Variants in GSAP observed in about 807,000 individuals in gnomAD.
The protein encoded by GSAP is gamma-secretase activating protein.
GSAP carries 118 observed loss-of-function variants against 131.7 expected under a neutral mutation model. The observed-to-expected ratio is 0.90, with a 90% CI of 0.77 to 1.04. The LOEUF is 1.04. Among genes scored for constraint, GSAP ranks in the 50% least tolerant of loss-of-function variants. GSAP has a pLI of 0.00. For synonymous variants in GSAP, 381 were observed against 363.4 expected (o/e 1.05, Z -0.55); for missense variants, 1,019 against 1,013.2 (o/e 1.01, Z -0.08).
chr7:77,377,195 C>T, intron 9 of GSAP, 91 bp downstream of exon 9: 2 of 1,213,120 alleles, frequency 1.6e-6, no homozygotes, highest in Non-Finnish European at 2.1e-6. Flanking sequence ...CCAGCCTCAG[C>T]AAGAGAGCAA....
Position 77,369,811 on chromosome 7 carries a change from G to T in GSAP, c.871+4259C>A, listed in dbSNP as rs148257638. Among the ~76,000 whole-genome samples the T allele has an allele frequency of 9.6e-4, 146 of 152,138 alleles. 1 individual carries two copies. In the South Asian group the frequency reaches 0.011, roughly 11 times the overall value. ...AAAACACTTTTGAAGAGTAATATAG[G>T]AAACACATGAACAATTTCTTAGTCA... On this transcript the variant is annotated intron_variant, in intron 12 of 30. Coordinates refer to ENST00000257626, the MANE Select transcript of GSAP (RefSeq NM_017439.4).
intron 19 of GSAP, among the ~76,000 whole-genome samples, chr7:77,344,781 C>T (rs1055764325): frequency 2.6e-5 from 4 of 152,148 alleles, no homozygotes; most frequent in Non-Finnish European, 5.9e-5. Context: ...TGTTCCCATT[C>T]TTATGCCACC....
chr7:77,345,292 A>G (rs1305440094), intron 19 of GSAP, among the ~76,000 whole-genome samples: 4 of 152,282 alleles, frequency 2.6e-5, no homozygotes, highest in South Asian at 4.1e-4. Context: ...AGCTTAATCT[A>G]TACCACTCTA....
chr7:77,339,631 G>C (rs1371839116), intron 19 of GSAP, among the ~76,000 whole-genome samples: 1 of 152,050 alleles, frequency 6.6e-6, no homozygotes, highest in Non-Finnish European at 1.5e-5. Context: ...AAAAGCTATG[G>C]GTAGAGGAGA....
chr7:77,385,129 G>T (rs1390656553), intron 6 of GSAP, among the ~76,000 whole-genome samples: 2 of 151,734 alleles, frequency 1.3e-5, no homozygotes, highest in Non-Finnish European at 2.9e-5. Flanking sequence ...TGCCTCCCAG[G>T]TTCAAGCAAT....
chr7:77,363,340 C>T (rs536855645), intron 12 of GSAP, among the ~76,000 whole-genome samples: 46 of 152,354 alleles, frequency 3.0e-4, no homozygotes, highest in African/African-American at 9.6e-4. Flanking sequence ...GCAGCTGCTG[C>T]TGTATGGACT....
At chr7:77,355,476 C>T in intron 15 of GSAP, 46 bp from the exon 16 acceptor site, 2 of 1,514,180 alleles carry the variant, frequency 1.3e-6, no homozygotes, top group East Asian at 2.3e-5. Context: ...AGAAGAAACT[C>T]CTTTCACCCA....
intron 3 of GSAP, among the ~76,000 whole-genome samples, chr7:77,402,593 C>CAAAAAAAAAAAAAAAAAAA (rs56739649): frequency 3.2e-4 from 8 of 24,776 alleles, no homozygotes; most frequent in Admixed American, 7.9e-4. Flanking sequence ...GACTCTGTCT[C>CAAAAAAAAAAAAAAAAAAA]AAAAAAAAAA....
chr7:77,376,810 A>G, intron 10 of GSAP, 38 bp downstream of exon 10: 3 of 1,031,450 alleles, frequency 2.9e-6, no homozygotes, highest in Non-Finnish European at 4.4e-6. Context: ...GTAATGTATC[A>G]TAAACTTTCC....
intron 12 of GSAP, among the ~76,000 whole-genome samples, chr7:77,363,489 C>G (rs1345794015): frequency 6.6e-6 from 1 of 152,082 alleles, no homozygotes; most frequent in Non-Finnish European, 1.5e-5. Context: ...GAGTTCTAGC[C>G]CCAGAGCTAA....
chr7:77,397,441 T>G (rs142213123), intron 3 of GSAP, 26 bp from the exon 4 acceptor site: 1 of 1,314,970 alleles, frequency 7.6e-7, no homozygotes, highest in Non-Finnish European at 1.1e-6. Flanking sequence ...TATTTTTTAA[T>G]TTGAAGTTTC....
At chr7:77,384,947 T>G (rs12537122) in intron 6 of GSAP, among the ~76,000 whole-genome samples, 9,261 of 151,830 alleles carry the variant, frequency 0.061, 417 homozygotes, top group Middle Eastern at 0.1. Context: ...CTAAGATGGG[T>G]CCACAGAATT....
chr7:77,351,106 A>G, intron 18 of GSAP: 1 of 972,930 alleles, frequency 1.0e-6, no homozygotes, highest in Non-Finnish European at 1.2e-6. Context: ...AAAAAAGGGT[A>G]TCATGGGGAC....
intron 22 of GSAP, chr7:77,328,318 A>C: frequency 8.5e-7 from 1 of 1,169,892 alleles, no homozygotes; most frequent in Non-Finnish European, 1.1e-6. Context: ...TCCTGTGGGC[A>C]CAGCCAGAGG....
At chr7:77,314,154 T>C (rs80261202) in intron 27 of GSAP, among the ~76,000 whole-genome samples, 12,427 of 152,276 alleles carry the variant, frequency 0.082, 720 homozygotes, top group Non-Finnish European at 0.11. Flanking sequence ...CAGGACCAGC[T>C]GTATAATTTG....
intron 10 of GSAP, among the ~76,000 whole-genome samples, chr7:77,376,609 AC>A (rs1183988128): frequency 2.6e-5 from 4 of 152,018 alleles, no homozygotes; most frequent in African/African-American, 9.7e-5. Context: ...CCCTGTCTCT[AC>A]AAAAAATACA....
intron 13 of GSAP, among the ~76,000 whole-genome samples, chr7:77,361,559 T>C (rs1794523331): frequency 6.6e-6 from 1 of 152,204 alleles, no homozygotes; most frequent in Non-Finnish European, 1.5e-5. Context: ...TACCTTAATC[T>C]CTAACCTGAG....
chr7:77,406,057 C>A lies in GSAP; in HGVS notation c.158G>T (p.Arg53Ile). The A allele has an allele frequency of 9.3e-7, 1 of 1,079,562 alleles. No individual in the cohort carries two copies. The highest frequency in any genetic ancestry group is 1.3e-6 in the Non-Finnish European group (1 of 790,616). 66.9% of individuals were successfully genotyped at this position (1,079,562 alleles called of 1,614,324 possible). A position where few individuals can be genotyped will look rare whatever the true frequency, so the allele number is the denominator to read the frequency against. ...ATAGGTATAAATAATATTTCCATTTCTTTCAACATTTAATACATGTAAGCT... is the reference window on the plus strand; with the variant it reads ...ATAGGTATAAATAATATTTCCATTTATTTCAACATTTAATACATGTAAGCT... ...YESLHVLNVE[R>I]NGNIIYTYKD... is the part of the protein sequence containing the mutation. The change falls in exon 2 of 31, where the codon AGA (arginine) becomes ATA (isoleucine). Residue 53 changes from arginine (R) to isoleucine (I), a missense_variant. Arg to Ile is a moderately conservative substitution (Grantham distance 97). Coordinates refer to ENST00000257626, the MANE Select transcript of GSAP (RefSeq NM_017439.4).
chr7:77,319,651 T>C (rs901785849), intron 26 of GSAP, among the ~76,000 whole-genome samples: 1 of 152,200 alleles, frequency 6.6e-6, no homozygotes, highest in Non-Finnish European at 1.5e-5. Flanking sequence ...ACAACCTAAA[T>C]GTCTACTGAC....
Sources: gnomAD v4.1 joint callset for allele counts (sites outside exome capture counted in the v4.1 genomes callset) on GRCh38, gnomAD v4.1.1 for gene constraint, MANE v1.5 for transcripts, NCBI Gene and HGNC (gene_info 2026-07-23, HGNC 2026-07-21) for gene names.